The following PTPDC1 variants were observed in gnomAD, a reference collection of about 807,000 sequenced individuals.
PTPDC1 encodes protein tyrosine phosphatase domain containing 1.
A neutral mutation model predicts 75.3 loss-of-function variants in PTPDC1; 53 were observed. The ratio of observed to expected loss-of-function variants is 0.70; its 90% CI spans 0.56 to 0.88. PTPDC1 has a LOEUF of 0.88. Among genes scored for constraint, PTPDC1 ranks in the 40% least tolerant of loss-of-function variants. The pLI, the probability that PTPDC1 is intolerant of heterozygous loss-of-function variation, is 0.00. For synonymous variants in PTPDC1, 349 were observed against 366.2 expected, an observed-to-expected ratio of 0.95 and a Z score of 0.54; for missense variants, 925 against 998.6, an observed-to-expected ratio of 0.93 and a Z score of 0.99.
chr9:94,056,438 A>C (rs1312460956), intron 1 of PTPDC1, among the ~76,000 whole-genome samples: 1 of 152,240 alleles, frequency 6.6e-6, no homozygotes, highest in Non-Finnish European at 1.5e-5. Context: ...CTCTTACGTC[A>C]GAATGACCTA....
intron 1 of PTPDC1, among the ~76,000 whole-genome samples, chr9:94,031,975 T>G (rs1461457069): frequency 6.6e-6 from 1 of 152,238 alleles, no homozygotes; most frequent in African/African-American, 2.4e-5. Context: ...CACGTACAGG[T>G]ACATACATAT....
At chr9:94,096,281 T>C (rs1827565759) in intron 5 of PTPDC1, among the ~76,000 whole-genome samples, 1 of 152,174 alleles carries the variant, frequency 6.6e-6, no homozygotes, top group Non-Finnish European at 1.5e-5. Flanking sequence ...CAGCTCTGCT[T>C]GAGATTAGTA....
chr9:94,106,082 G>GA (rs536204783), intron 8 of PTPDC1, among the ~76,000 whole-genome samples: 112 of 152,190 alleles, frequency 7.4e-4, no homozygotes, highest in African/African-American at 2.5e-3. Flanking sequence ...GAGCTTAACT[G>GA]AAAAAAATCC....
In PTPDC1 at chr9:94,109,598, T is replaced by C. The variant is rs1301180906; in HGVS notation, c.*1654T>C. ...CCAAAGATACACTATAAAAATAGAG[T>C]TTTTACCAAAAAAAGATGTTTGTTC... On this transcript the variant is annotated 3_prime_UTR_variant, in exon 9 of 9. Coordinates refer to ENST00000620992, the MANE Select transcript of PTPDC1 (RefSeq NM_001253829.2). 2 of 151,470 alleles carry C rather than the reference T, an allele frequency of 1.3e-5. No homozygotes were observed. The highest frequency in any genetic ancestry group is 4.9e-5 in the African/African-American group (2 of 41,144). The allele number at this position is 151,470 out of a possible 1,614,324, so 9.4% of individuals were successfully genotyped here.
At chr9:94,073,889 A>C (rs1470174315) in intron 2 of PTPDC1, among the ~76,000 whole-genome samples, 1 of 152,018 alleles carries the variant, frequency 6.6e-6, no homozygotes, top group African/African-American at 2.4e-5. Context: ...AAGTCTTTGG[A>C]GTTTTTCCTG....
intron 2 of PTPDC1, among the ~76,000 whole-genome samples, chr9:94,076,000 T>G (rs887386737): frequency 6.6e-6 from 1 of 152,098 alleles, no homozygotes; most frequent in Non-Finnish European, 1.5e-5. Flanking sequence ...GTGTTTTGTT[T>G]GTTTGTTTGT....
intron 1 of PTPDC1, among the ~76,000 whole-genome samples, chr9:94,058,940 G>A (rs182648135): frequency 3.9e-5 from 6 of 152,260 alleles, no homozygotes; most frequent in African/African-American, 1.2e-4. Context: ...GCAGTGAGCC[G>A]AGATTGTGCT....
At chr9:94,106,812 G>A (rs74723784) in intron 8 of PTPDC1, among the ~76,000 whole-genome samples, 3,876 of 152,268 alleles carry the variant, frequency 0.025, 161 homozygotes, top group African/African-American at 0.089. Context: ...GTGGGTACTT[G>A]CTCTGGTTCT....
chr9:94,051,818 T>C (rs1251208492), intron 1 of PTPDC1, among the ~76,000 whole-genome samples: 1 of 152,208 alleles, frequency 6.6e-6, no homozygotes, highest in Non-Finnish European at 1.5e-5. Context: ...TGATAACCTC[T>C]TTTATTCTTG....
At position 94,087,858 on chromosome 9, in the gene PTPDC1, C is replaced by G. The variant is rs759001313; in HGVS notation, c.444C>G (p.Ala148=). 31 of 1,613,872 alleles carry G rather than the reference C, an allele frequency of 1.9e-5. No homozygotes were observed. The highest frequency in any genetic ancestry group is 2.6e-5 in the Non-Finnish European group (31 of 1,179,806). The change falls in exon 3 of 9, where the codon GCC becomes GCG. Residue 148 remains alanine, a synonymous_variant. Coordinates refer to ENST00000620992, the MANE Select transcript of PTPDC1 (RefSeq NM_001253829.2). ...TCACTGATAATATACTGGCCATGGC[C>G]CGCCCATCCTCTGAGCTCCTGGAGA... is the stretch of plus-strand genomic sequence containing the variant. The part of the protein sequence containing the change: ...SWVTDNILAM[A]RPSSELLEKY...
chr9:94,095,220 C>G (rs556936815), intron 4 of PTPDC1, 97 bp from the exon 5 acceptor site: 2 of 869,382 alleles, frequency 2.3e-6, no homozygotes, highest in East Asian at 2.5e-5. Context: ...GATCTACATG[C>G]CTCAGTCTCA....
intron 7 of PTPDC1, among the ~76,000 whole-genome samples, chr9:94,103,105 CAT>C (rs1348110315): frequency 6.6e-6 from 1 of 151,976 alleles, no homozygotes; most frequent in Non-Finnish European, 1.5e-5. Context: ...AATACACAGA[CAT>C]GTGCGTGCCT....
chr9:94,085,295 C>T lies in PTPDC1; in HGVS notation c.289C>T (p.Arg97Cys), dbSNP rs763097057. 5.6e-6 allele frequency: 9 copies of T among 1,613,940 alleles called. No homozygotes were observed. The highest frequency in any genetic ancestry group is 4.0e-5 in the African/African-American group (3 of 74,896). The change falls in exon 2 of 9, where the codon CGT becomes TGT. Residue 97 changes from arginine (R) to cysteine (C), a missense_variant. Transcript: ENST00000620992. Reference protein sequence around the residue: ...PTPKYTKVGERLRHVIPGHMA... With the variant: ...PTPKYTKVGECLRHVIPGHMA... The stretch of plus-strand genomic sequence containing the variant: ...ACCAAAGTACACAAAAGTAGGGGAG[C>T]GTTTACGGCATGTCATTCCTGGACA...
At position 94,104,953 on chromosome 9, in the gene PTPDC1, A is replaced by G. The variant is rs181425572; in HGVS notation, c.2310+568A>G. On this transcript the variant is annotated intron_variant, in intron 8 of 8. Transcript: ENST00000620992. ...AAAGTTTCCCCTTACCCCATCAGCTATAATTTGTTTATTACTTCTCATTGA... is the reference window on the plus strand; with the variant it reads ...AAAGTTTCCCCTTACCCCATCAGCTGTAATTTGTTTATTACTTCTCATTGA... Among the ~76,000 whole-genome samples, 718 of 152,330 alleles carry G rather than the reference A, an allele frequency of 4.7e-3. 10 individuals carry two copies. The highest frequency in any genetic ancestry group is 0.015 in the South Asian group (71 of 4,828).
At position 94,095,552 on chromosome 9, in the gene PTPDC1, C is replaced by G. The variant is rs967998375; in HGVS notation, c.754+98C>G. 7.9e-6 allele frequency: 8 copies of G among 1,017,038 alleles called. No individual in the cohort carries two copies. In the Admixed American group the frequency reaches 9.3e-5, roughly 12 times the overall value. The allele number at this position is 1,017,038 out of a possible 1,614,324, so 63.0% of individuals were successfully genotyped here. On this transcript the variant is annotated intron_variant, in intron 5 of 8. Coordinates refer to ENST00000620992, the MANE Select transcript of PTPDC1 (RefSeq NM_001253829.2). ...GGGTAAATGTTTCTCAGAATCCTAT[C>G]AAAGCTTTGGAGTCAGGTGGAAGAA...
rs199730749 is a variant in PTPDC1, at chr9:94,084,643, G to C, written c.113G>C (p.Arg38Pro). ...CCAGTACTGCGGCTGCAGCAGGCCCGGCGGGGCTCTGGCTTGGGCTCCGGC... is the reference window on the plus strand; with the variant it reads ...CCAGTACTGCGGCTGCAGCAGGCCCCGCGGGGCTCTGGCTTGGGCTCCGGC... ...SDPVLRLQQA[R>P]RGSGLGSGSA... Residue 38 changes from arginine (R) to proline (P), a missense_variant, in exon 1 of 9, where the codon CGG becomes CCG. Transcript: ENST00000620992. 2 of 1,613,212 alleles carry C rather than the reference G, an allele frequency of 1.2e-6. No homozygotes were observed. Among genetic ancestry groups the C allele is most frequent in the Non-Finnish European group, 1.7e-6 (2 of 1,179,740 alleles).
chr9:94,093,238 A>G (rs1587897715), intron 4 of PTPDC1, among the ~76,000 whole-genome samples: 1 of 150,634 alleles, frequency 6.6e-6, no homozygotes, highest in African/African-American at 2.5e-5. Flanking sequence ...GTTCCTTTCC[A>G]TGTTTAGTGC....
intron 1 of PTPDC1, among the ~76,000 whole-genome samples, chr9:94,031,971 C>T (rs1829736712): frequency 6.6e-6 from 1 of 152,230 alleles, no homozygotes; most frequent in Non-Finnish European, 1.5e-5. Flanking sequence ...CACACACGTA[C>T]AGGTACATAC....
At position 94,104,347 on chromosome 9, in the gene PTPDC1, G is replaced by A; in HGVS notation, c.2272G>A (p.Glu758Lys). ...GCAGACAATTCCCGTGGATGTGGAGGAAGCTTTCCTTGCCCATGCCATTAA... is the reference window on the plus strand; with the variant it reads ...GCAGACAATTCCCGTGGATGTGGAGAAAGCTTTCCTTGCCCATGCCATTAA... ...NLQTIPVDVE[E>K]AFLAHAIKAF... Residue 758 changes from glutamate (E) to lysine (K), a missense_variant, in exon 8 of 9, where the codon GAA (glutamate) becomes AAA (lysine). Transcript: ENST00000620992. 2 of 1,613,876 alleles carry A rather than the reference G, an allele frequency of 1.2e-6. No homozygotes were observed. The highest frequency in any genetic ancestry group is 1.7e-6 in the Non-Finnish European group (2 of 1,179,794).
Sources: allele counts gnomAD v4.1 joint callset (sites outside exome capture counted in the v4.1 genomes callset), GRCh38; gene constraint gnomAD v4.1.1; transcripts MANE v1.5; gene names NCBI Gene and HGNC (gene_info 2026-07-23, HGNC 2026-07-21).